Variants in INPP4B observed in about 807,000 individuals in gnomAD.
INPP4B encodes the protein inositol polyphosphate 4-phosphatase type II.
INPP4B carries 55 observed loss-of-function variants against 122.5 expected under a neutral mutation model. That is an observed-to-expected ratio of 0.45 (90% CI 0.36 to 0.56). The LOEUF (loss-of-function observed/expected upper bound fraction) is 0.56, where lower values mean the gene tolerates loss of function less well. INPP4B is among the 20% of genes least tolerant of loss of function. The probability of loss-of-function intolerance (pLI) is 0.00; values close to 1 mark genes in which losing one functional copy is unlikely to be tolerated. For synonymous variants in INPP4B, 403 were observed against 388.7 expected, an observed-to-expected ratio of 1.04 and a Z score of -0.43; for missense variants, 1,000 against 1,097.7, an observed-to-expected ratio of 0.91 and a Z score of 1.26.
intron 2 of INPP4B, among the ~76,000 whole-genome samples, chr4:142,699,279 C>T (rs563043501): frequency 6.6e-6 from 1 of 152,316 alleles, no homozygotes; most frequent in East Asian, 1.9e-4. Flanking sequence ...ATCTACAATC[C>T]ATTGTACAAC....
rs1196067157 is a variant in INPP4B, at chr4:142,026,687, C to T, written c.*2095G>A. 2 of 152,112 alleles carry T rather than the reference C, an allele frequency of 1.3e-5. No individual in the cohort carries two copies. Among genetic ancestry groups the T allele is most frequent in the African/African-American group, 2.4e-5 (1 of 41,424 alleles). 9.4% of individuals were successfully genotyped at this position (152,112 alleles called of 1,614,324 possible). A position where few individuals can be genotyped will look rare whatever the true frequency, so the allele number is the denominator to read the frequency against. The stretch of plus-strand genomic sequence containing the variant: ...TCACCATGTTGGCCAGGCTGATCTC[C>T]AATTCCTGACCTCAGGTGATCTATC... On this transcript the variant is annotated 3_prime_UTR_variant, in exon 26 of 26. Coordinates refer to ENST00000262992, the MANE Select transcript of INPP4B (RefSeq NM_001101669.3).
rs148330909 is a variant in INPP4B, at chr4:142,507,227, CTT to C, written c.-190-44503_-190-44502del. Among the ~76,000 whole-genome samples, 286 of 152,212 alleles carry C rather than the reference CTT, an allele frequency of 1.9e-3. 5 individuals carry two copies. The East Asian group carries it at 0.048, about 25-fold the overall frequency. ...AGATCCTTCAGGATGGGCATGGTGTCTTATTTGTGTTTTATTTCCAGAATTTA... is the reference window on the plus strand; with the variant it reads ...AGATCCTTCAGGATGGGCATGGTGTCATTTGTGTTTTATTTCCAGAATTTA... On this transcript the variant is annotated intron_variant, in intron 2 of 25. Coordinates refer to ENST00000262992, the MANE Select transcript of INPP4B (RefSeq NM_001101669.3).
chr4:142,103,916 T>C (rs1785732230), intron 23 of INPP4B, among the ~76,000 whole-genome samples: 1 of 152,062 alleles, frequency 6.6e-6, no homozygotes. Flanking sequence ...CTTATTGATG[T>C]AGTTGATGAA....
chr4:142,384,564 C>A (rs1232518999), intron 7 of INPP4B, among the ~76,000 whole-genome samples: 1 of 152,136 alleles, frequency 6.6e-6, no homozygotes, highest in Non-Finnish European at 1.5e-5. Context: ...GTACTAGAGT[C>A]TTATAGGATC....
At chr4:142,506,108 C>T (rs1285286540) in intron 2 of INPP4B, among the ~76,000 whole-genome samples, 2 of 151,846 alleles carry the variant, frequency 1.3e-5, no homozygotes, top group Non-Finnish European at 2.9e-5. Context: ...AGTTCCAAAC[C>T]CTAGACTTTG....
intron 3 of INPP4B, among the ~76,000 whole-genome samples, chr4:142,457,032 G>T (rs1815598830): frequency 1.3e-5 from 2 of 151,742 alleles, no homozygotes; most frequent in Non-Finnish European, 2.9e-5. Context: ...AGATTCAAAG[G>T]CAATACAATG....
intron 12 of INPP4B, among the ~76,000 whole-genome samples, chr4:142,234,741 A>C (rs1442906208): frequency 6.6e-6 from 1 of 152,108 alleles, no homozygotes; most frequent in Admixed American, 6.5e-5. Flanking sequence ...TTAAAATGTA[A>C]TTTTCTTCTT....
intron 2 of INPP4B, among the ~76,000 whole-genome samples, chr4:142,562,501 C>G (rs189860018): frequency 6.6e-6 from 1 of 152,054 alleles, no homozygotes; most frequent in Non-Finnish European, 1.5e-5. Flanking sequence ...GACTTTTTCC[C>G]CTCAATGAAT....
intron 1 of INPP4B, among the ~76,000 whole-genome samples, chr4:142,818,726 C>A (rs1261383676): frequency 1.3e-5 from 2 of 152,098 alleles, no homozygotes; most frequent in Non-Finnish European, 2.9e-5. Flanking sequence ...ACTCTCTTCT[C>A]CTCCTACCAC....
chr4:142,193,395 A>C (rs992257), intron 14 of INPP4B, among the ~76,000 whole-genome samples, 200 bp from the exon 15 acceptor site: 1 of 151,952 alleles, frequency 6.6e-6, no homozygotes, highest in Non-Finnish European at 1.5e-5. Flanking sequence ...GCACCTAAAC[A>C]AGATATAATG....
chr4:142,441,437 T>A (rs1186115170), intron 3 of INPP4B, among the ~76,000 whole-genome samples: 1 of 152,142 alleles, frequency 6.6e-6, no homozygotes, highest in Non-Finnish European at 1.5e-5. Flanking sequence ...CAGGAGAGAA[T>A]AAAAGGAATT....
chr4:142,774,861 A>G (rs976026542), intron 1 of INPP4B, among the ~76,000 whole-genome samples: 3 of 152,060 alleles, frequency 2.0e-5, no homozygotes, highest in Non-Finnish European at 4.4e-5. Context: ...TAGTGAACCT[A>G]TATTGATATA....
intron 23 of INPP4B, among the ~76,000 whole-genome samples, chr4:142,093,869 A>G (rs1780653424): frequency 6.6e-6 from 1 of 150,524 alleles, no homozygotes; most frequent in Admixed American, 6.8e-5. Context: ...AACAAATTTC[A>G]AGGTTGCATC....
At chr4:142,065,540 A>T (rs11935109) in intron 25 of INPP4B, among the ~76,000 whole-genome samples, 3,777 of 152,290 alleles carry the variant, frequency 0.025, 174 homozygotes, top group African/African-American at 0.087. Flanking sequence ...GGAATAAAAA[A>T]TGTCTGACAA....
At chr4:142,286,583 T>C (rs1374583342) in intron 9 of INPP4B, among the ~76,000 whole-genome samples, 1 of 152,182 alleles carries the variant, frequency 6.6e-6, no homozygotes, top group Non-Finnish European at 1.5e-5. Context: ...GAGATAAATT[T>C]CTTAGAACTC....
At chr4:142,494,292 A>G (rs1822248944) in intron 2 of INPP4B, among the ~76,000 whole-genome samples, 1 of 152,174 alleles carries the variant, frequency 6.6e-6, no homozygotes, top group Admixed American at 6.6e-5. Flanking sequence ...GTCTACTTCT[A>G]ATTGTTATTA....
chr4:142,696,087 C>T (rs549216919), intron 2 of INPP4B, among the ~76,000 whole-genome samples: 5 of 152,102 alleles, frequency 3.3e-5, no homozygotes, highest in East Asian at 1.9e-4. Flanking sequence ...AGTTATCAGA[C>T]GAGGAAAGGT....
intron 18 of INPP4B, among the ~76,000 whole-genome samples, chr4:142,128,430 T>A (rs1358418167): frequency 6.6e-6 from 1 of 151,584 alleles, no homozygotes; most frequent in East Asian, 1.9e-4. Context: ...GAGCTAAGGG[T>A]GCCCCACAAT....
rs1482176850 is a variant in INPP4B at position 142,476,172 on chromosome 4, AC to A, written c.-190-13447del. Among the ~76,000 whole-genome samples the A allele has an allele frequency of 5.3e-5, 8 of 152,350 alleles. 1 individual carries two copies. Among genetic ancestry groups the A allele is most frequent in the Admixed American group, 5.2e-4 (8 of 15,306 alleles). On this transcript the variant is annotated intron_variant, in intron 2 of 25. Coordinates refer to ENST00000262992, the MANE Select transcript of INPP4B (RefSeq NM_001101669.3). The stretch of plus-strand genomic sequence containing the variant: ...AGCTGAAACCTACAAGCCAGAACAG[AC>A]TGGAGGACAATAGTCAGCATTAATA...
Sources: allele counts gnomAD v4.1 joint callset (sites outside exome capture counted in the v4.1 genomes callset), GRCh38; gene constraint gnomAD v4.1.1; transcripts MANE v1.5; gene names NCBI Gene and HGNC (gene_info 2026-07-23, HGNC 2026-07-21).